EML1: variants seen among roughly 807,000 people sequenced by gnomAD.
The protein encoded by EML1 is EMAP like 1.
EML1 carries 27 observed loss-of-function variants against 110.4 expected under a neutral mutation model. The ratio of observed to expected loss-of-function variants is 0.24; its 90% CI spans 0.18 to 0.34. The LOEUF (loss-of-function observed/expected upper bound fraction) is 0.34. Among genes scored for constraint, EML1 ranks in the 10% least tolerant of loss-of-function variants. EML1 has a pLI of 1.00. For synonymous variants in EML1, 344 were observed against 385.8 expected (o/e 0.89, Z 1.27); for missense variants, 741 against 1,030.9 (o/e 0.72, Z 3.85).
intron 1 of EML1, among the ~76,000 whole-genome samples, chr14:99,785,556 G>T (rs1446294452): frequency 1.3e-5 from 2 of 152,156 alleles, no homozygotes; most frequent in African/African-American, 4.8e-5. Context: ...GGGATAAAAG[G>T]TCATAAGTTT....
At chr14:99,800,363 A>G (rs1294957337) in intron 1 of EML1, among the ~76,000 whole-genome samples, 1 of 151,372 alleles carries the variant, frequency 6.6e-6, no homozygotes, top group South Asian at 2.1e-4. Context: ...AGTTTAATTA[A>G]TTATTTATTT....
chr14:99,776,976 G>A (rs978675307), intron 1 of EML1, among the ~76,000 whole-genome samples: 1 of 152,066 alleles, frequency 6.6e-6, no homozygotes, highest in Non-Finnish European at 1.5e-5. Context: ...CAGCTACCAC[G>A]CAAAATAAAG....
upstream of EML1, among the ~76,000 whole-genome samples, chr14:99,792,081 T>C (rs550493406): frequency 6.6e-6 from 1 of 152,324 alleles, no homozygotes; most frequent in African/African-American, 2.4e-5. Flanking sequence ...CCACAGCATA[T>C]AGCACCAGTC....
exon 1 of EML1, chr14:99,737,774 G>A (rs755063092): frequency 2.9e-5 from 37 of 1,287,146 alleles, no homozygotes; most frequent in East Asian, 1.1e-4. Flanking sequence ...GGTGACAGCC[G>A]CTGAGGCTCT....
upstream of EML1, among the ~76,000 whole-genome samples, chr14:99,770,693 C>A (rs2057416527): frequency 6.6e-6 from 1 of 151,778 alleles, no homozygotes; most frequent in Non-Finnish European, 1.5e-5. Flanking sequence ...GTGACATATG[C>A]TGAACACAGG....
upstream of EML1, chr14:99,793,311 G>GGCT: frequency 2.3e-6 from 2 of 868,260 alleles, no homozygotes; most frequent in South Asian, 5.1e-5. Context: ...GCGCGGCTGC[G>GGCT]GCGGCGGCGG....
At position 99,896,688 on chromosome 14, in the gene EML1, T is replaced by C. The variant is rs150528911; in HGVS notation, c.678-457T>C. Reference sequence around the variant, plus strand: ...AAATAATTTTCAAGGTTTGGAAATATAATGCAAAAATTTTAACAGGGATTC... The same window carrying C: ...AAATAATTTTCAAGGTTTGGAAATACAATGCAAAAATTTTAACAGGGATTC... On this transcript the variant is annotated intron_variant, in intron 6 of 21. Transcript: ENST00000262233. Among the ~76,000 whole-genome samples, 251 of 152,076 alleles carry C rather than the reference T, an allele frequency of 1.7e-3. 1 individual carries two copies. Among genetic ancestry groups the C allele is most frequent in the Non-Finnish European group, 2.6e-3 (175 of 67,982 alleles).
chr14:99,903,784 CATT>C (rs1254848887), intron 9 of EML1, among the ~76,000 whole-genome samples: 1,636 of 141,622 alleles, frequency 0.012, 57 homozygotes, highest in African/African-American at 0.04. Flanking sequence ...TAAATCTATT[CATT>C]TTTTTTTTTT....
At chr14:99,866,570 CAAAAAAAAA>C (rs57796662) in intron 3 of EML1, among the ~76,000 whole-genome samples, 2 of 80,130 alleles carry the variant, frequency 2.5e-5, no homozygotes, top group African/African-American at 1.1e-4. Flanking sequence ...AACTCCATCT[CAAAAAAAAA>C]AAAAAAAAAA....
At chr14:99,898,836 T>A (rs2059713723) in intron 8 of EML1, among the ~76,000 whole-genome samples, 1 of 152,122 alleles carries the variant, frequency 6.6e-6, no homozygotes. Context: ...AATAGCATTG[T>A]TCTGAACAAA....
chr14:99,923,453 T>C (rs2060165098), intron 17 of EML1, among the ~76,000 whole-genome samples: 1 of 106,188 alleles, frequency 9.4e-6, no homozygotes, highest in Admixed American at 8.7e-5. Flanking sequence ...GTTACAAGAG[T>C]ACACTAGACT....
intron 1 of EML1, among the ~76,000 whole-genome samples, chr14:99,848,240 G>A (rs1054978056): frequency 3.3e-5 from 5 of 152,022 alleles, no homozygotes; most frequent in African/African-American, 1.2e-4. Context: ...TTCCACTACA[G>A]TTAATACTAA....
Position 99,936,478 on chromosome 14 carries a change from G to C in EML1, c.2095+144G>C. 1 of 728,062 alleles carries C rather than the reference G, an allele frequency of 1.4e-6. No homozygotes were observed. Among genetic ancestry groups the C allele is most frequent in the South Asian group, 1.8e-5 (1 of 56,226 alleles). 45.1% of individuals were successfully genotyped at this position (728,062 alleles called of 1,614,324 possible). On this transcript the variant is annotated intron_variant, in intron 19 of 21. Transcript: ENST00000262233. The surrounding 1 kb of genome is among the most constrained non-coding windows in gnomAD (Gnocchi z 5.5). ...AGGTCATGGTTTCCGCCTCTGTAAC[G>C]TAGGGGAGTGGGGCTGCGTGGCTTC...
At chr14:99,759,618 A>G (rs921444103) in intron 1 of EML1, among the ~76,000 whole-genome samples, 1 of 152,154 alleles carries the variant, frequency 6.6e-6, no homozygotes, top group African/African-American at 2.4e-5. Context: ...GCACCGTCCT[A>G]CAGTCCAGGC....
intron 8 of EML1, 85 bp downstream of exon 8, chr14:99,898,387 C>T: frequency 2.3e-6 from 3 of 1,297,822 alleles, no homozygotes; most frequent in Non-Finnish European, 3.2e-6. Context: ...CTGAGTAAGG[C>T]TGCTTAGATA....
rs145377792 is a variant in EML1 at position 99,834,327 on chromosome 14, A to G, written c.68-16526A>G. Among the ~76,000 whole-genome samples the G allele has an allele frequency of 4.6e-5, 7 of 151,390 alleles. No homozygotes were observed. In the East Asian group the frequency reaches 1.4e-3, roughly 29 times the overall value. On this transcript the variant is annotated intron_variant, in intron 1 of 21. Coordinates refer to ENST00000262233, the MANE Select transcript of EML1 (RefSeq NM_004434.3). Reference sequence around the variant, plus strand: ...ATGTTTCCTTTTTTTTTTTGAGACAAAGTCTTGCTCTATCACCCAGGCTGG... The same window carrying G: ...ATGTTTCCTTTTTTTTTTTGAGACAGAGTCTTGCTCTATCACCCAGGCTGG...
At chr14:99,764,480 T>TG (rs1259300435) in intron 1 of EML1, among the ~76,000 whole-genome samples, 1 of 152,194 alleles carries the variant, frequency 6.6e-6, no homozygotes, top group Non-Finnish European at 1.5e-5. Context: ...TCTCCCTGGG[T>TG]GATGTGCATT....
upstream of EML1, chr14:99,792,656 G>C (rs59446534): frequency 0.14 from 20,579 of 152,198 alleles, 1,614 homozygotes; most frequent in East Asian, 0.37. Context: ...CTGTATCCCA[G>C]GGGCTGATCA....
In EML1 at chr14:99,939,886, A is replaced by T; in HGVS notation, c.2323-101A>T. ...AGTGAGAGCTGCCGAGCGGAGGGCG[A>T]GTAAAGGAATTAAGGCATGCAGTGA... On this transcript the variant is annotated intron_variant, in intron 21 of 21. Coordinates refer to ENST00000262233, the MANE Select transcript of EML1 (RefSeq NM_004434.3). This position sits in a 1 kb window ranked among gnomAD's most constrained non-coding sequence, Gnocchi z 4.2. 7.2e-7 allele frequency: 1 copy of T among 1,384,458 alleles called. No homozygotes were observed. The highest frequency in any genetic ancestry group is 9.5e-7 in the Non-Finnish European group (1 of 1,048,152). 85.8% of individuals were successfully genotyped at this position (1,384,458 alleles called of 1,614,324 possible).
Sources: allele counts gnomAD v4.1 joint callset (sites outside exome capture counted in the v4.1 genomes callset), GRCh38; gene constraint gnomAD v4.1.1; non-coding constraint Gnocchi (gnomAD v3.1); transcripts MANE v1.5; gene names NCBI Gene and HGNC (gene_info 2026-07-23, HGNC 2026-07-21).